Variants in FAM81A observed in about 807,000 individuals in gnomAD.
The protein encoded by FAM81A is protein FAM81A.
Under a neutral mutation model 46.7 loss-of-function variants are expected in FAM81A, and 19 were observed. The ratio of observed to expected loss-of-function variants is 0.41; its 90% CI spans 0.28 to 0.60. FAM81A has a LOEUF of 0.60. FAM81A is among the 20% of genes least tolerant of loss of function. The probability of loss-of-function intolerance (pLI) is 0.34; values close to 1 mark genes in which losing one functional copy is unlikely to be tolerated. For synonymous variants in FAM81A, 183 were observed against 152.9 expected (o/e 1.20, Z -1.45); for missense variants, 377 against 453.5 (o/e 0.83, Z 1.53).
At chr15:59,481,092 T>G (rs1461063513) in intron 3 of FAM81A, among the ~76,000 whole-genome samples, 2 of 152,062 alleles carry the variant, frequency 1.3e-5, no homozygotes, top group African/African-American at 4.8e-5. Flanking sequence ...CCTCCCAGGT[T>G]CAAGCAATCC....
At chr15:59,488,913 A>G (rs1445703110) in intron 3 of FAM81A, among the ~76,000 whole-genome samples, 2 of 151,932 alleles carry the variant, frequency 1.3e-5, no homozygotes, top group Non-Finnish European at 2.9e-5. Context: ...CAATGAGCCA[A>G]GATTGTGCCA....
chr15:59,434,918 G>A (rs1430573828), upstream of FAM81A, among the ~76,000 whole-genome samples: 1 of 152,294 alleles, frequency 6.6e-6, no homozygotes, highest in East Asian at 1.9e-4. Context: ...TATAGATGTC[G>A]TGTGTATCTC....
intron 3 of FAM81A, among the ~76,000 whole-genome samples, chr15:59,487,188 T>TATATATATATC (rs1199462160): frequency 1.6e-3 from 228 of 146,578 alleles, no homozygotes; most frequent in Non-Finnish European, 2.6e-3. Flanking sequence ...ATATATATAT[T>TATATATATATC]TTATATATAT....
Position 59,516,604 on chromosome 15 carries a change from T to A in FAM81A, c.787-41T>A, listed in dbSNP as rs370627417. 3.8e-6 allele frequency: 6 copies of A among 1,577,868 alleles called. No individual in the cohort carries two copies. The African/African-American group carries it at 8.3e-5, about 22-fold the overall frequency. On this transcript the variant is annotated intron_variant, in intron 7 of 8. Transcript: ENST00000288228. The stretch of plus-strand genomic sequence containing the variant: ...CTGATGTGAATGCAATGCAGATTTC[T>A]TTTTGGAGTGATTAAGTGCAGTTCT...
At chr15:59,429,678 C>T (rs2081211090) in intron 2 of FAM81A, among the ~76,000 whole-genome samples, 1 of 152,188 alleles carries the variant, frequency 6.6e-6, no homozygotes, top group Admixed American at 6.5e-5. Flanking sequence ...TTGCATATAT[C>T]ACTGGGATTT....
In FAM81A at chr15:59,461,195, C is replaced by G. The variant is rs148295185; in HGVS notation, c.294+989C>G. Among the ~76,000 whole-genome samples, 1,370 of 152,342 alleles carry G rather than the reference C, an allele frequency of 9.0e-3. 23 individuals are homozygous for G. Among genetic ancestry groups the G allele is most frequent in the African/African-American group, 0.031 (1,275 of 41,568 alleles). ...ACTTCTACCCCAGCCCAGGCAACCACTCATCTACTTTCTATCTCTAGAAAT... is the reference window on the plus strand; with the variant it reads ...ACTTCTACCCCAGCCCAGGCAACCAGTCATCTACTTTCTATCTCTAGAAAT... On this transcript the variant is annotated intron_variant, in intron 3 of 8. Transcript: ENST00000288228.
intron 3 of FAM81A, among the ~76,000 whole-genome samples, chr15:59,486,373 G>T (rs1205155859): frequency 6.6e-6 from 1 of 152,018 alleles, no homozygotes; most frequent in Non-Finnish European, 1.5e-5. Flanking sequence ...TGAAAAAAAT[G>T]ATGCACACCT....
At position 59,492,294 on chromosome 15, in the gene FAM81A, C is replaced by T. The variant is rs4296198; in HGVS notation, c.318C>T (p.Ala106=). Residue 106 remains alanine, a synonymous_variant, in exon 4 of 9, where the codon GCC becomes GCT. Transcript: ENST00000288228. Reference sequence around the variant, plus strand: ...AGGTACTCCAGGAGCAGATTCGTGCCCGGGACAACATTAGCTATGGAACTA... The same window carrying T: ...AGGTACTCCAGGAGCAGATTCGTGCTCGGGACAACATTAGCTATGGAACTA... ...DIEVLQEQIR[A]RDNISYGTNS... is the part of the protein sequence containing the mutation. 0.81 allele frequency: 1,301,911 copies of T among 1,612,172 alleles called. 527,554 individuals are homozygous for T. Among genetic ancestry groups the T allele is most frequent in the Admixed American group, 0.9 (53,726 of 59,926 alleles).
intron 3 of FAM81A, among the ~76,000 whole-genome samples, chr15:59,475,204 G>A (rs899633181): frequency 3.3e-5 from 5 of 151,212 alleles, no homozygotes; most frequent in Admixed American, 6.6e-5. Context: ...GAGTGCAGTC[G>A]TGTGATCTCA....
At chr15:59,454,588 C>A (rs2081459954) in intron 1 of FAM81A, among the ~76,000 whole-genome samples, 1 of 151,926 alleles carries the variant, frequency 6.6e-6, no homozygotes. Context: ...CTTCTGAATT[C>A]TATTTATATA....
intron 2 of FAM81A, among the ~76,000 whole-genome samples, chr15:59,419,533 C>T (rs1296083236): frequency 2.6e-5 from 4 of 152,052 alleles, no homozygotes; most frequent in African/African-American, 9.7e-5. Flanking sequence ...TACTTCATTA[C>T]CCTCTCTTTC....
intron 2 of FAM81A, among the ~76,000 whole-genome samples, chr15:59,416,775 C>A (rs1427688728): frequency 6.6e-6 from 1 of 152,210 alleles, no homozygotes. Flanking sequence ...TATCCCATAC[C>A]TGTCATGCTT....
intron 3 of FAM81A, among the ~76,000 whole-genome samples, chr15:59,462,859 GTTAT>G (rs1304193265): frequency 6.6e-6 from 1 of 152,064 alleles, no homozygotes. Context: ...TTTATATTGG[GTTAT>G]TTGTCATATT....
chr15:59,515,455 G>T (rs1033168802), intron 7 of FAM81A, among the ~76,000 whole-genome samples: 1 of 152,068 alleles, frequency 6.6e-6, no homozygotes, highest in African/African-American at 2.4e-5. Context: ...CTCTCCAGAT[G>T]TGGAGCTGTT....
At chr15:59,502,082 GTAT>G (rs1253615569) in intron 4 of FAM81A, among the ~76,000 whole-genome samples, 4 of 151,442 alleles carry the variant, frequency 2.6e-5, no homozygotes, top group African/African-American at 4.8e-5. Context: ...CACATTTACT[GTAT>G]TATTCTTTCA....
intron 1 of FAM81A, among the ~76,000 whole-genome samples, chr15:59,447,038 G>A (rs549193769): frequency 6.6e-6 from 1 of 152,124 alleles, no homozygotes; most frequent in Non-Finnish European, 1.5e-5. Flanking sequence ...TGTGAAAATA[G>A]CACACTTGTT....
At chr15:59,478,568 A>T (rs185129766) in intron 3 of FAM81A, among the ~76,000 whole-genome samples, 75 of 152,274 alleles carry the variant, frequency 4.9e-4, no homozygotes, top group African/African-American at 1.8e-3. Flanking sequence ...TGAAAAAGGG[A>T]ATTTCAGCCT....
At chr15:59,414,772 A>C (rs529517941) in intron 2 of FAM81A, among the ~76,000 whole-genome samples, 4 of 152,160 alleles carry the variant, frequency 2.6e-5, no homozygotes, top group Non-Finnish European at 4.4e-5. Flanking sequence ...GTATTTAGCG[A>C]TGGCATTTCC....
intron 2 of FAM81A, among the ~76,000 whole-genome samples, chr15:59,431,122 A>C (rs1596467507): frequency 6.6e-6 from 1 of 152,214 alleles, no homozygotes; most frequent in African/African-American, 2.4e-5. Context: ...AGGTGAGGGC[A>C]CTACTTAACC....
Sources: gnomAD v4.1 joint callset for allele counts (sites outside exome capture counted in the v4.1 genomes callset) on GRCh38, gnomAD v4.1.1 for gene constraint, MANE v1.5 for transcripts, NCBI Gene and HGNC (gene_info 2026-07-23, HGNC 2026-07-21) for gene names.